The following MTMR3 variants were observed in gnomAD, a reference collection of about 807,000 sequenced individuals.
MTMR3 encodes the protein myotubularin related protein 3, also known as phosphatidylinositol-3,5-bisphosphate 3-phosphatase MTMR3.
MTMR3 carries 32 observed loss-of-function variants against 132.4 expected under a neutral mutation model. The ratio of observed to expected loss-of-function variants is 0.24; its 90% CI spans 0.18 to 0.32. The LOEUF is 0.32. Among genes scored for constraint, MTMR3 ranks in the 10% least tolerant of loss-of-function variants. The probability of loss-of-function intolerance (pLI) is 1.00; values close to 1 mark genes in which losing one functional copy is unlikely to be tolerated. For synonymous variants in MTMR3, 556 were observed against 550.3 expected (o/e 1.01, Z -0.14); for missense variants, 1,216 against 1,489.6 (o/e 0.82, Z 3.02).
chr22:29,961,756 A>G (rs757527786), intron 2 of MTMR3, among the ~76,000 whole-genome samples: 18 of 152,242 alleles, frequency 1.2e-4, no homozygotes, highest in Non-Finnish European at 1.9e-4. Flanking sequence ...ACTCACTGAC[A>G]TACCCAGAGC....
At chr22:29,973,008 A>G (rs2066565947) in intron 3 of MTMR3, among the ~76,000 whole-genome samples, 1 of 152,226 alleles carries the variant, frequency 6.6e-6, no homozygotes, top group Admixed American at 6.5e-5. Flanking sequence ...TTGGATTCCT[A>G]ATGATCATTT....
chr22:29,919,559 A>G (rs1025874178), intron 1 of MTMR3, among the ~76,000 whole-genome samples: 1 of 152,150 alleles, frequency 6.6e-6, no homozygotes, highest in Non-Finnish European at 1.5e-5. Context: ...CATGGTCTCT[A>G]TAGCCCAGGA....
chr22:29,892,475 A>C (rs543799534), intron 1 of MTMR3, among the ~76,000 whole-genome samples: 25 of 152,330 alleles, frequency 1.6e-4, no homozygotes, highest in African/African-American at 6.0e-4. Context: ...CTTTCAAAGT[A>C]CCACAATTAA....
chr22:30,005,037 G>T (rs559853742), intron 9 of MTMR3: 1 of 152,246 alleles, frequency 6.6e-6, no homozygotes, highest in Non-Finnish European at 1.5e-5. Flanking sequence ...CCCATCTGTA[G>T]TGCAGTTCAC....
intron 2 of MTMR3, among the ~76,000 whole-genome samples, chr22:29,960,965 C>T (rs553568251): frequency 4.0e-4 from 61 of 152,294 alleles, no homozygotes; most frequent in African/African-American, 1.0e-3. Context: ...CTCCCACTCT[C>T]TTCCCTAGGA....
intron 2 of MTMR3, among the ~76,000 whole-genome samples, chr22:29,961,962 C>G (rs1169396353): frequency 3.3e-5 from 5 of 152,220 alleles, no homozygotes; most frequent in Admixed American, 3.3e-4. Context: ...CTAGGAACAA[C>G]AGGCTATACC....
intron 1 of MTMR3, among the ~76,000 whole-genome samples, chr22:29,945,579 TC>T (rs2145820613): frequency 6.6e-6 from 1 of 151,832 alleles, no homozygotes; most frequent in African/African-American, 2.4e-5. Flanking sequence ...GTGGTATATG[TC>T]TGTGGTCCCA....
chr22:29,991,450 A>G (rs2066959428), intron 6 of MTMR3, 54 bp from the exon 7 acceptor site: 18 of 1,508,834 alleles, frequency 1.2e-5, no homozygotes, highest in Non-Finnish European at 1.6e-5. Flanking sequence ...CTTTTCTTAC[A>G]TTTCATTTCA....
chr22:29,979,566 G>A (rs1002505598), intron 5 of MTMR3: 7 of 190,518 alleles, frequency 3.7e-5, no homozygotes, highest in Non-Finnish European at 5.3e-5. Context: ...AAAATGATGT[G>A]TGTAGTTGTC....
Position 30,025,915 on chromosome 22 carries a change from T to C in MTMR3, c.*114T>C. 1 of 1,093,020 alleles carries C rather than the reference T, an allele frequency of 9.1e-7. No homozygotes were observed. Among genetic ancestry groups the C allele is most frequent in the Non-Finnish European group, 1.3e-6 (1 of 743,388 alleles). 67.7% of individuals were successfully genotyped at this position (1,093,020 alleles called of 1,614,324 possible). A position where few individuals can be genotyped will look rare whatever the true frequency, so the allele number is the denominator to read the frequency against. On this transcript the variant is annotated 3_prime_UTR_variant, in exon 20 of 20. Coordinates refer to ENST00000401950, the MANE Select transcript of MTMR3 (RefSeq NM_021090.4). ...TGGAATGGGAGCGTGGAACCACCTGTACAGAGTGACAGATTTGGGATGCAC... is the reference window on the plus strand; with the variant it reads ...TGGAATGGGAGCGTGGAACCACCTGCACAGAGTGACAGATTTGGGATGCAC...
chr22:29,897,715 G>T (rs553466860), intron 1 of MTMR3, among the ~76,000 whole-genome samples: 1 of 152,124 alleles, frequency 6.6e-6, no homozygotes, highest in South Asian at 2.1e-4. Context: ...CCCCCAAAGG[G>T]CTGGGATTAC....
At chr22:29,985,922 G>T (rs771318591) in intron 5 of MTMR3, 5 of 152,212 alleles carry the variant, frequency 3.3e-5, no homozygotes, top group African/African-American at 1.2e-4. Context: ...TTGGGCTCTG[G>T]TTTAGTAATA....
chr22:30,006,921 A>C, intron 9 of MTMR3, 193 bp from the exon 10 acceptor site: 1 of 589,274 alleles, frequency 1.7e-6, no homozygotes, highest in Non-Finnish European at 3.0e-6. Context: ...GTAATTGAGA[A>C]AGACACACAG....
chr22:30,019,417 T>A, intron 16 of MTMR3, 63 bp from the exon 17 acceptor site: 1 of 1,458,212 alleles, frequency 6.9e-7, no homozygotes, highest in Non-Finnish European at 9.3e-7. Context: ...TAAAACCTAT[T>A]GTCTCCTACT....
chr22:30,019,752 A>T lies in MTMR3; in HGVS notation c.2093A>T (p.Lys698Ile). ...GAGAACATCTTGCAGGAGGCCACCAAAGAGGAGAGTGGAGTAGAGGAACCT... is the reference window on the plus strand; with the variant it reads ...GAGAACATCTTGCAGGAGGCCACCATAGAGGAGAGTGGAGTAGAGGAACCT... ...QMENILQEATKEESGVEEPAH... is the reference protein window; with the variant it reads ...QMENILQEATIEESGVEEPAH... Residue 698 changes from lysine to isoleucine, a missense_variant, in exon 17 of 20, where the codon AAA (lysine) becomes ATA (isoleucine). By Grantham distance (102) the Lys-to-Ile change is moderately radical (BLOSUM62 -3). Coordinates refer to ENST00000401950, the MANE Select transcript of MTMR3 (RefSeq NM_021090.4). 2.5e-6 allele frequency: 4 copies of T among 1,614,156 alleles called. No individual in the cohort carries two copies. The highest frequency in any genetic ancestry group is 3.4e-6 in the Non-Finnish European group (4 of 1,180,032).
chr22:29,975,621 C>G (rs573814477), intron 3 of MTMR3, among the ~76,000 whole-genome samples: 1 of 152,214 alleles, frequency 6.6e-6, no homozygotes, highest in Non-Finnish European at 1.5e-5. Flanking sequence ...TTGTTTTTGA[C>G]ACAAGGTCTT....
chr22:29,958,805 C>T (rs2066250927), intron 2 of MTMR3, among the ~76,000 whole-genome samples: 1 of 152,198 alleles, frequency 6.6e-6, no homozygotes. Context: ...TGTCAGTTCA[C>T]AGAAACACTC....
chr22:29,918,456 C>T (rs556598200), intron 1 of MTMR3, among the ~76,000 whole-genome samples: 3 of 152,176 alleles, frequency 2.0e-5, no homozygotes, highest in Non-Finnish European at 4.4e-5. Flanking sequence ...TGCCTTGAAA[C>T]ATCTTTCTTT....
intron 1 of MTMR3, among the ~76,000 whole-genome samples, chr22:29,893,273 C>G (rs768200020): frequency 6.6e-6 from 1 of 152,156 alleles, no homozygotes; most frequent in Non-Finnish European, 1.5e-5. Flanking sequence ...TCACATATCC[C>G]TTTACTTTCT....
Sources: allele counts gnomAD v4.1 joint callset (sites outside exome capture counted in the v4.1 genomes callset), GRCh38; gene constraint gnomAD v4.1.1; transcripts MANE v1.5; gene names NCBI Gene and HGNC (gene_info 2026-07-23, HGNC 2026-07-21).